The following SULT1C2 variants were observed in gnomAD, a reference collection of about 807,000 sequenced individuals.
SULT1C2 encodes the protein sulfotransferase 1C2.
SULT1C2 carries 27 observed loss-of-function variants against 36.0 expected under a neutral mutation model. The ratio of observed to expected loss-of-function variants is 0.75; its 90% CI spans 0.55 to 1.03. The LOEUF (loss-of-function observed/expected upper bound fraction) is 1.03, where lower values mean the gene tolerates loss of function less well. SULT1C2 is among the 50% of genes least tolerant of loss of function. The pLI is 0.00. For missense variants in SULT1C2, 395 were observed against 359.2 expected (o/e 1.10, Z -0.80); for synonymous variants, 121 against 116.0 (o/e 1.04, Z -0.27).
chr2:108,308,496 G>T lies in SULT1C2; in HGVS notation c.*32G>T. The T allele has an allele frequency of 6.4e-7, 1 of 1,555,972 alleles. No homozygotes were observed. Among genetic ancestry groups the T allele is most frequent in the Non-Finnish European group, 8.7e-7 (1 of 1,144,920 alleles). On this transcript the variant is annotated 3_prime_UTR_variant, in exon 8 of 8. Coordinates refer to ENST00000251481, the MANE Select transcript of SULT1C2 (RefSeq NM_001056.4). ...TGTAAATAAAATTAAAAGGTGGATG[G>T]CAAGAGTGCAAATACTATCTTCAAT...
At chr2:108,305,616 A>G (rs767350516) in intron 7 of SULT1C2, 21 bp downstream of exon 7, 3 of 1,613,806 alleles carry the variant, frequency 1.9e-6, no homozygotes, top group South Asian at 1.1e-5. Context: ...CCTCTTTATC[A>G]TACATTCAGA....
chr2:108,305,116 C>T, intron 5 of SULT1C2, 56 bp from the exon 6 acceptor site: 1 of 1,596,406 alleles, frequency 6.3e-7, no homozygotes, highest in Non-Finnish European at 8.6e-7. Context: ...CCCTAATACT[C>T]AGAAGGTTTT....
rs1677074729 is a variant in SULT1C2 at position 108,308,412 on chromosome 2, T to A, written c.839T>A (p.Ile280Asn). Residue 280 changes from isoleucine (I) to asparagine (N), a missense_variant, in exon 8 of 8, where the codon ATC (isoleucine) becomes AAC (asparagine). Ile to Asn is a moderately radical substitution (Grantham distance 149). Coordinates refer to ENST00000251481, the MANE Select transcript of SULT1C2 (RefSeq NM_001056.4). ...TVAQNERFDE[I>N]YRRKMEGTSI... The stretch of plus-strand genomic sequence containing the variant: ...GCCCAGAATGAGAGGTTTGATGAAA[T>A]CTATAGAAGAAAGATGGAAGGAACC... 6.2e-7 allele frequency: 1 copy of A among 1,612,980 alleles called. No individual in the cohort carries two copies. The highest frequency in any genetic ancestry group is 1.3e-5 in the African/African-American group (1 of 74,722).
rs372096862 is a variant in SULT1C2 at position 108,305,500 on chromosome 2, C to T, written c.683C>T (p.Thr228Met). The stretch of plus-strand genomic sequence containing the variant: ...GTGCTAGATAAAATTGTCCAGGAGA[C>T]GTCATTTGAGAAAATGAAAGAAAAT... ...ETVLDKIVQE[T>M]SFEKMKENPM... The change falls in exon 7 of 8, where the codon ACG becomes ATG. Residue 228 changes from threonine (T) to methionine (M), a missense_variant. Thr to Met is a moderately conservative substitution (Grantham distance 81). Transcript: ENST00000251481. The T allele has an allele frequency of 7.2e-5, 117 of 1,614,002 alleles. No individual in the cohort carries two copies. Among genetic ancestry groups the T allele is most frequent in the Non-Finnish European group, 9.6e-5 (113 of 1,180,024 alleles).
At chr2:108,304,472 G>A (rs1294878751) in intron 4 of SULT1C2, 102 bp from the exon 5 acceptor site, 3 of 1,382,120 alleles carry the variant, frequency 2.2e-6, no homozygotes, top group Admixed American at 4.8e-5. Flanking sequence ...GCAGAACTGA[G>A]CCAGAGTGCA....
intron 7 of SULT1C2, among the ~76,000 whole-genome samples, chr2:108,305,855 A>G (rs1416321485): frequency 1.3e-5 from 2 of 152,292 alleles, no homozygotes; most frequent in Admixed American, 1.3e-4. Flanking sequence ...TTCACCATGG[A>G]CAATAAAGGA....
At chr2:108,292,109 G>A (rs1676607510) in intron 1 of SULT1C2, among the ~76,000 whole-genome samples, 1 of 152,036 alleles carries the variant, frequency 6.6e-6, no homozygotes, top group African/African-American at 2.4e-5. Flanking sequence ...CCTCTAGCAA[G>A]CATGTACTGT....
In SULT1C2 at chr2:108,304,670, G is replaced by C. The variant is rs781130211; in HGVS notation, c.472G>C (p.Glu158Gln). Residue 158 changes from glutamate (E) to glutamine (Q), a missense_variant, in exon 5 of 8, where the codon GAG becomes CAG. Glu to Gln is a conservative substitution (Grantham distance 29). Coordinates refer to ENST00000251481, the MANE Select transcript of SULT1C2 (RefSeq NM_001056.4). ...GCTTCCTGACCCTGGTACCTGGGAA[G>C]AGTATTTTGAAACCTTCATCAATGG... is the stretch of plus-strand genomic sequence containing the variant. ...HMLPDPGTWE[E>Q]YFETFINGKV... is the part of the protein sequence containing the mutation. 7.6e-5 allele frequency: 122 copies of C among 1,613,564 alleles called. No individual in the cohort carries two copies. Among genetic ancestry groups the C allele is most frequent in the Non-Finnish European group, 9.9e-5 (117 of 1,179,870 alleles).
At position 108,309,888 on chromosome 2, in the gene SULT1C2, A is replaced by G. The variant is rs1022908988; in HGVS notation, c.*1424A>G. On this transcript the variant is annotated 3_prime_UTR_variant, in exon 8 of 8. Coordinates refer to ENST00000251481, the MANE Select transcript of SULT1C2 (RefSeq NM_001056.4). ...TCAAATAAGCACCTTTTTATTATGT[A>G]AATAAATAAAAGTTATCTGTATCCC... 43 of 152,242 alleles carry G rather than the reference A, an allele frequency of 2.8e-4. No individual in the cohort carries two copies. Among genetic ancestry groups the G allele is most frequent in the Admixed American group, 1.8e-3 (28 of 15,286 alleles). 9.4% of individuals were successfully genotyped at this position (152,242 alleles called of 1,614,324 possible).
At chr2:108,301,005 A>G (rs1558679815) in intron 4 of SULT1C2, 70 bp downstream of exon 4, 13 of 1,582,724 alleles carry the variant, frequency 8.2e-6, no homozygotes, top group Non-Finnish European at 1.0e-5. Context: ...GCAGACCCCA[A>G]CGCAGAGCAT....
Position 108,308,679 on chromosome 2 carries a change from G to A in SULT1C2, c.*215G>A. On this transcript the variant is annotated 3_prime_UTR_variant, in exon 8 of 8. Coordinates refer to ENST00000251481, the MANE Select transcript of SULT1C2 (RefSeq NM_001056.4). ...TTCCCAACTATTCTTTCCAAAGTAA[G>A]ATATAAGGTAGCTTAATAAACTAAG... 2.1e-6 allele frequency: 1 copy of A among 485,770 alleles called. No homozygotes were observed. Among genetic ancestry groups the A allele is most frequent in the Non-Finnish European group, 3.6e-6 (1 of 277,822 alleles). The allele number at this position is 485,770 out of a possible 1,614,324, so 30.1% of individuals were successfully genotyped here.
chr2:108,309,643 G>A lies in SULT1C2; in HGVS notation c.*1179G>A, dbSNP rs554135439. 1 of 151,782 alleles carries A rather than the reference G, an allele frequency of 6.6e-6. No homozygotes were observed. The highest frequency in any genetic ancestry group is 6.6e-5 in the Admixed American group (1 of 15,228). The allele number at this position is 151,782 out of a possible 1,614,324, so 9.4% of individuals were successfully genotyped here. On this transcript the variant is annotated 3_prime_UTR_variant, in exon 8 of 8. Transcript: ENST00000251481. ...TTCGTAGGGTATTTTTTTTAAAATA[G>A]GGTCTTGCTATGTTGCCCAGGCTGG... is the stretch of plus-strand genomic sequence containing the variant.
chr2:108,295,784 T>C lies in SULT1C2; in HGVS notation c.277+1430T>C, dbSNP rs536365794. ...CATGACCCCATGTGTTCCCTGATTA[T>C]CTAAGACCAGCATTTTTTGTTTATT... On this transcript the variant is annotated intron_variant, in intron 3 of 7. Transcript: ENST00000251481. Among the ~76,000 whole-genome samples the C allele has an allele frequency of 2.6e-5, 4 of 152,330 alleles. No individual in the cohort carries two copies. In the East Asian group the frequency reaches 7.7e-4, roughly 29 times the overall value.
At chr2:108,301,299 T>TC (rs1401088960) in intron 4 of SULT1C2, 1 of 187,950 alleles carries the variant, frequency 5.3e-6, no homozygotes, top group African/African-American at 2.3e-5. Context: ...GCTAAAGCTC[T>TC]CCCCAAAGGA....
At chr2:108,300,770 G>T (rs749568002) in intron 3 of SULT1C2, 68 bp from the exon 4 acceptor site, 4 of 1,605,058 alleles carry the variant, frequency 2.5e-6, no homozygotes, top group Non-Finnish European at 3.4e-6. Flanking sequence ...CCTGGACAGA[G>T]CCTGGATCAT....
chr2:108,305,380 T>C (rs1337594797), intron 6 of SULT1C2, 35 bp from the exon 7 acceptor site: 3 of 1,610,642 alleles, frequency 1.9e-6, no homozygotes, highest in Non-Finnish European at 2.5e-6. Context: ...TATGATACTC[T>C]CATTCATTCC....
intron 1 of SULT1C2, among the ~76,000 whole-genome samples, chr2:108,292,336 A>G (rs1402405749): frequency 1.3e-5 from 2 of 151,832 alleles, no homozygotes; most frequent in African/African-American, 2.4e-5. Flanking sequence ...AGTGATTTAC[A>G]TCTTCTGCTT....
In SULT1C2 at chr2:108,308,494, T is replaced by C. The variant is rs1677077448; in HGVS notation, c.*30T>C. ...GATGTAAATAAAATTAAAAGGTGGA[T>C]GGCAAGAGTGCAAATACTATCTTCA... On this transcript the variant is annotated 3_prime_UTR_variant, in exon 8 of 8. Coordinates refer to ENST00000251481, the MANE Select transcript of SULT1C2 (RefSeq NM_001056.4). 2 of 1,563,292 alleles carry C rather than the reference T, an allele frequency of 1.3e-6. No homozygotes were observed. Among genetic ancestry groups the C allele is most frequent in the South Asian group, 2.4e-5 (2 of 84,034 alleles).
At position 108,308,209 on chromosome 2, in the gene SULT1C2, T is replaced by C. The variant is rs1402928436; in HGVS notation, c.779-143T>C. 4 of 687,496 alleles carry C rather than the reference T, an allele frequency of 5.8e-6. No individual in the cohort carries two copies. In the African/African-American group the frequency reaches 7.2e-5, roughly 12 times the overall value. The allele number at this position is 687,496 out of a possible 1,614,324, so 42.6% of individuals were successfully genotyped here. A position where few individuals can be genotyped will look rare whatever the true frequency, so the allele number is the denominator to read the frequency against. On this transcript the variant is annotated intron_variant, in intron 7 of 7. Coordinates refer to ENST00000251481, the MANE Select transcript of SULT1C2 (RefSeq NM_001056.4). ...CTGCTTCTTATAGGAGAGCTGCTCA[T>C]GGACAGGTGTCCACTGAAGGGGGAG... is the stretch of plus-strand genomic sequence containing the variant.
Sources: allele counts gnomAD v4.1 joint callset (sites outside exome capture counted in the v4.1 genomes callset), GRCh38; gene constraint gnomAD v4.1.1; transcripts MANE v1.5; gene names NCBI Gene and HGNC (gene_info 2026-07-23, HGNC 2026-07-21).